Variants in MEF2C observed in about 807,000 individuals in gnomAD.
The protein encoded by MEF2C is myocyte-specific enhancer factor 2C.
MEF2C carries 6 observed loss-of-function variants against 50.5 expected under a neutral mutation model. That is an observed-to-expected ratio of 0.12 (90% confidence interval 0.07 to 0.23). The LOEUF (loss-of-function observed/expected upper bound fraction) is 0.23, where lower values mean the gene tolerates loss of function less well. MEF2C is among the 10% of genes least tolerant of loss of function. The probability of loss-of-function intolerance (pLI) is 1.00; values close to 1 mark genes in which losing one functional copy is unlikely to be tolerated. For missense variants in MEF2C, 276 were observed against 605.0 expected, an observed-to-expected ratio of 0.46 and a Z score of 5.70; for synonymous variants, 183 against 228.0, an observed-to-expected ratio of 0.80 and a Z score of 1.78.
chr5:88,873,206 T>C (rs767762389), intron 1 of MEF2C, among the ~76,000 whole-genome samples: 4 of 151,992 alleles, frequency 2.6e-5, no homozygotes, highest in Non-Finnish European at 5.9e-5. Context: ...GAATATACCA[T>C]CCAGTGACTC....
intron 6 of MEF2C, chr5:88,738,300 G>T: frequency 1.0e-6 from 1 of 985,126 alleles, no homozygotes; most frequent in South Asian, 4.7e-5. Flanking sequence ...CTAACACAGT[G>T]TATAGTATTA....
At chr5:88,741,730 T>TA (rs1168198865) in intron 6 of MEF2C, 1 of 983,046 alleles carries the variant, frequency 1.0e-6, no homozygotes, top group Non-Finnish European at 1.2e-6. Flanking sequence ...CGGTTCTTTA[T>TA]AATAACTGGA....
chr5:88,875,313 A>C (rs539529239), intron 1 of MEF2C, among the ~76,000 whole-genome samples: 74 of 152,088 alleles, frequency 4.9e-4, no homozygotes, highest in African/African-American at 1.7e-3. Flanking sequence ...TTGACCTAAT[A>C]ATCATTTAAA....
chr5:88,855,563 T>C (rs138674327), intron 1 of MEF2C, among the ~76,000 whole-genome samples: 1 of 152,338 alleles, frequency 6.6e-6, no homozygotes, highest in East Asian at 1.9e-4. Flanking sequence ...CATCTTGAAT[T>C]GTTCCCATAA....
intron 5 of MEF2C, chr5:88,751,425 A>T (rs944212352): frequency 2.0e-6 from 2 of 985,096 alleles, no homozygotes; most frequent in African/African-American, 1.7e-5. Context: ...ATAAAAAAAA[A>T]TTGACCCAAA....
At chr5:88,737,236 T>G (rs1312604907) in intron 6 of MEF2C, 1 of 985,128 alleles carries the variant, frequency 1.0e-6, no homozygotes, top group Non-Finnish European at 1.2e-6. Flanking sequence ...TTTTAGATAA[T>G]GATTGCAAAT....
At chr5:88,800,287 T>C (rs1174288728) in intron 3 of MEF2C, among the ~76,000 whole-genome samples, 2 of 152,350 alleles carry the variant, frequency 1.3e-5, no homozygotes, top group East Asian at 3.9e-4. Flanking sequence ...ATGACCTGGC[T>C]GAATGAGTTC....
chr5:88,820,398 C>T lies in MEF2C; in HGVS notation c.54+3337G>A, dbSNP rs774058125. Among the ~76,000 whole-genome samples, 34 of 151,884 alleles carry T rather than the reference C, an allele frequency of 2.2e-4. 1 individual carries two copies. The highest frequency in any genetic ancestry group is 4.4e-5 in the Non-Finnish European group (3 of 67,922). The stretch of plus-strand genomic sequence containing the variant: ...TTGATGTTTCTGAATTTGAGCTGTT[C>T]CCTACTTCCATTATGAAAGACAGCT... On this transcript the variant is annotated intron_variant, in intron 2 of 10. Coordinates refer to ENST00000504921, the MANE Select transcript of MEF2C (RefSeq NM_002397.5).
intron 6 of MEF2C, among the ~76,000 whole-genome samples, chr5:88,744,320 G>A (rs778948199): frequency 2.1e-4 from 32 of 152,204 alleles, no homozygotes; most frequent in Admixed American, 4.6e-4. Flanking sequence ...TTGGGAGGCC[G>A]AGGTGGGCGG....
At chr5:88,800,670 G>C (rs971818857) in intron 3 of MEF2C, among the ~76,000 whole-genome samples, 1 of 152,158 alleles carries the variant, frequency 6.6e-6, no homozygotes, top group Admixed American at 6.5e-5. Flanking sequence ...AGCAGTGAAG[G>C]GGGCAGTTCC....
At chr5:88,888,935 C>T (rs1438075560) in intron 1 of MEF2C, 1 of 152,174 alleles carries the variant, frequency 6.6e-6, no homozygotes, top group Non-Finnish European at 1.5e-5. Flanking sequence ...TATCCCATTT[C>T]TTGAAATATC....
In MEF2C at chr5:88,730,331, A is replaced by C. The variant is rs1581363527; in HGVS notation, c.811-97T>G. The C allele has an allele frequency of 6.8e-6, 9 of 1,316,710 alleles. No homozygotes were observed. The East Asian group carries it at 2.0e-4, about 29-fold the overall frequency. The allele number at this position is 1,316,710 out of a possible 1,614,324, so 81.6% of individuals were successfully genotyped here. ...CAAAAGGAAAAGCATCTTCCGATAGACACAACAGTTTAAACAGTTTTAAAA... is the reference window on the plus strand; with the variant it reads ...CAAAAGGAAAAGCATCTTCCGATAGCCACAACAGTTTAAACAGTTTTAAAA... On this transcript the variant is annotated intron_variant, in intron 7 of 10. Transcript: ENST00000504921.
At chr5:88,785,093 G>A (rs1026330259) in intron 3 of MEF2C, among the ~76,000 whole-genome samples, 5 of 151,944 alleles carry the variant, frequency 3.3e-5, no homozygotes, top group Admixed American at 2.0e-4. Flanking sequence ...ATCAATTATC[G>A]TCTTTTGTCT....
upstream of MEF2C, among the ~76,000 whole-genome samples, chr5:88,886,355 C>T (rs1280565858): frequency 6.6e-6 from 1 of 152,132 alleles, no homozygotes; most frequent in Non-Finnish European, 1.5e-5. Context: ...CTGATCCTTG[C>T]CATCTAATGA....
chr5:88,883,253 A>C (rs1280390713), upstream of MEF2C: 1 of 133,650 alleles, frequency 7.5e-6, no homozygotes, highest in African/African-American at 2.8e-5. Context: ...AGCGCGCGCG[A>C]GGGGGGGGGC....
intron 2 of MEF2C, among the ~76,000 whole-genome samples, chr5:88,818,909 G>C (rs1311655443): frequency 6.6e-6 from 1 of 152,032 alleles, no homozygotes; most frequent in Non-Finnish European, 1.5e-5. Context: ...ATGGTTCAAA[G>C]AGCCTGAGTC....
At chr5:88,783,563 G>A (rs898791585) in intron 3 of MEF2C, among the ~76,000 whole-genome samples, 1 of 152,170 alleles carries the variant, frequency 6.6e-6, no homozygotes, top group Non-Finnish European at 1.5e-5. Context: ...CCGGGAGGTG[G>A]AGGTTGCGGT....
intron 10 of MEF2C, among the ~76,000 whole-genome samples, chr5:88,725,921 T>C (rs1233866913): frequency 2.0e-5 from 3 of 152,122 alleles, no homozygotes; most frequent in Non-Finnish European, 4.4e-5. Flanking sequence ...CACTAAAACT[T>C]AGTGTTACAC....
chr5:88,832,211 A>T (rs1031079149), intron 1 of MEF2C, among the ~76,000 whole-genome samples: 1 of 152,150 alleles, frequency 6.6e-6, no homozygotes, highest in Non-Finnish European at 1.5e-5. Flanking sequence ...AAATGGACCC[A>T]CATGTACATT....
Sources: allele counts gnomAD v4.1 joint callset (sites outside exome capture counted in the v4.1 genomes callset), GRCh38; gene constraint gnomAD v4.1.1; transcripts MANE v1.5; gene names NCBI Gene and HGNC (gene_info 2026-07-23, HGNC 2026-07-21).